HDX: variants seen among roughly 807,000 people sequenced by gnomAD.
The protein encoded by HDX is highly divergent homeobox.
A neutral mutation model predicts 45.2 loss-of-function variants in HDX; 19 were observed. The ratio of observed to expected loss-of-function variants is 0.42; its 90% CI spans 0.29 to 0.62. The LOEUF is 0.62. HDX is among the 20% of genes least tolerant of loss of function. The probability of loss-of-function intolerance (pLI) is 0.20; values close to 1 mark genes in which losing one functional copy is unlikely to be tolerated. For missense variants in HDX, 532 were observed against 493.9 expected, an observed-to-expected ratio of 1.08 and a Z score of -0.73; for synonymous variants, 188 against 172.8, an observed-to-expected ratio of 1.09 and a Z score of -0.69.
intron 9 of HDX, among the ~76,000 whole-genome samples, chrX:84,327,501 A>T (rs925708600): frequency 8.0e-5 from 9 of 111,883 alleles, no homozygotes; most frequent in Non-Finnish European, 1.7e-4. Flanking sequence ...TGGTCGATTG[A>T]TTTTCAACAA....
chrX:84,366,829 A>G, intron 5 of HDX, among the ~76,000 whole-genome samples: 1 of 111,963 alleles, frequency 8.9e-6, no homozygotes, highest in East Asian at 2.8e-4. Flanking sequence ...CCTTCCTTAC[A>G]CCTTATACAG....
chrX:84,346,522 A>C (rs1315264926), intron 6 of HDX, among the ~76,000 whole-genome samples: 1 of 111,511 alleles, frequency 9.0e-6, no homozygotes, highest in Non-Finnish European at 1.9e-5. Context: ...TGGTATTGGC[A>C]GAGGGCTAGC....
chrX:84,414,587 T>G (rs933866892), intron 5 of HDX, among the ~76,000 whole-genome samples: 2 of 96,923 alleles, frequency 2.1e-5, no homozygotes, highest in African/African-American at 6.7e-5. Context: ...ATTTTAAAGG[T>G]GTTCTTACTA....
chrX:84,468,828 C>G lies in HDX; in HGVS notation c.895G>C (p.Glu299Gln), dbSNP rs776982694. The G allele has an allele frequency of 8.3e-7, 1 of 1,211,642 alleles. No homozygotes were observed. Among genetic ancestry groups the G allele is most frequent in the East Asian group, 3.0e-5 (1 of 33,850 alleles). Reference sequence around the variant, plus strand: ...TATTCATCCTCAGCATCTCCAGTCTCCATTGCAATGGACAAACAATTTCCT... The same window carrying G: ...TATTCATCCTCAGCATCTCCAGTCTGCATTGCAATGGACAAACAATTTCCT... ...AEGNCLSIAM[E>Q]TGDAEDEYAR... Residue 299 changes from glutamate (E) to glutamine (Q), a missense_variant, in exon 4 of 11, where the codon GAG becomes CAG. By Grantham distance (29) the Glu-to-Gln change is conservative. Around this residue, in one of 3 missense-constraint regions of HDX, gnomAD observed 376 missense variants for 343.7 expected, o/e 1.09. Coordinates refer to ENST00000373177, the MANE Select transcript of HDX (RefSeq NM_001177479.2).
At chrX:84,329,988 A>G (rs970086068) in intron 9 of HDX, among the ~76,000 whole-genome samples, 1 of 111,837 alleles carries the variant, frequency 8.9e-6, no homozygotes, top group Non-Finnish European at 1.9e-5. Context: ...GCTGAATTGT[A>G]TGAATGGTGA....
chrX:84,471,106 T>C (rs1183977486), intron 3 of HDX, among the ~76,000 whole-genome samples: 3 of 111,952 alleles, frequency 2.7e-5, no homozygotes, highest in Non-Finnish European at 5.6e-5. Context: ...TATGAATGTG[T>C]TTTTGAAGAC....
chrX:84,442,694 C>T (rs771300875), intron 4 of HDX, among the ~76,000 whole-genome samples: 17 of 110,359 alleles, frequency 1.5e-4, no homozygotes, highest in African/African-American at 4.9e-4. Context: ...GAAATACATC[C>T]GCTTAAATAA....
At chrX:84,422,618 C>G (rs2039282148) in intron 5 of HDX, among the ~76,000 whole-genome samples, 1 of 103,050 alleles carries the variant, frequency 9.7e-6, no homozygotes, top group African/African-American at 3.5e-5. Flanking sequence ...GAAATAAATG[C>G]TTTTGAAATT....
chrX:84,353,477 T>A (rs754028451), intron 6 of HDX, among the ~76,000 whole-genome samples: 1 of 111,680 alleles, frequency 9.0e-6, no homozygotes, highest in Non-Finnish European at 1.9e-5. Context: ...GTCTAGGAAG[T>A]GGGCTTTCCA....
At chrX:84,343,205 G>T (rs901474536) in intron 7 of HDX, among the ~76,000 whole-genome samples, 1 of 110,527 alleles carries the variant, frequency 9.0e-6, no homozygotes, top group Non-Finnish European at 1.9e-5. Flanking sequence ...GGTGATGGTT[G>T]TACAACTGCA....
At chrX:84,465,074 C>A (rs2040319503) in intron 4 of HDX, among the ~76,000 whole-genome samples, 2 of 112,210 alleles carry the variant, frequency 1.8e-5, no homozygotes, top group Admixed American at 1.9e-4. Flanking sequence ...TGAAAAAAAG[C>A]TCATCATCAC....
intron 5 of HDX, among the ~76,000 whole-genome samples, chrX:84,372,584 TA>T (rs1299142603): frequency 8.9e-6 from 1 of 112,440 alleles, no homozygotes; most frequent in African/African-American, 3.2e-5. Flanking sequence ...TTTTTTCATT[TA>T]ATCTCATTGC....
At position 84,468,543 on chromosome X, in the gene HDX, G is replaced by A. The variant is rs756683465; in HGVS notation, c.1180C>T (p.Arg394Trp). The stretch of plus-strand genomic sequence containing the variant: ...GCAAAATGAGGAGAAAAATTACTCC[G>A]TAATGGATTGGTATTACTGTACATT... ...STMYSNTNPLRSNFSPHFASS... is the reference protein window; with the variant it reads ...STMYSNTNPLWSNFSPHFASS... Residue 394 changes from arginine (R) to tryptophan (W), a missense_variant, in exon 4 of 11, where the codon CGG (arginine) becomes TGG (tryptophan). By Grantham distance (101) the Arg-to-Trp change is moderately radical. Coordinates refer to ENST00000373177, the MANE Select transcript of HDX (RefSeq NM_001177479.2). 10 of 1,178,649 alleles carry A rather than the reference G, an allele frequency of 8.5e-6. No individual in the cohort carries two copies. The highest frequency in any genetic ancestry group is 2.3e-4 in the Middle Eastern group (1 of 4,276).
In HDX at chrX:84,462,698, TA is replaced by T. The variant is rs201979970; in HGVS notation, c.1251+5773del. On this transcript the variant is annotated intron_variant, in intron 4 of 10. Transcript: ENST00000373177. ...TATTAATAAAAAATTAAGAATTTTT[TA>T]AAAAATTGGCATCAAAGAGAGTAAT... is the stretch of plus-strand genomic sequence containing the variant. 8.4e-3 allele frequency among the ~76,000 whole-genome samples: 930 copies of T among 111,060 alleles called. 10 individuals carry two copies. The highest frequency in any genetic ancestry group is 0.029 in the African/African-American group (892 of 30,568).
intron 5 of HDX, among the ~76,000 whole-genome samples, chrX:84,364,281 A>G (rs779271857): frequency 6.4e-5 from 7 of 110,003 alleles, no homozygotes; most frequent in Admixed American, 9.8e-5. Flanking sequence ...GTGCCAAACA[A>G]TTGGCATGAT....
intron 1 of HDX, among the ~76,000 whole-genome samples, chrX:84,490,245 T>C (rs1363396230): frequency 9.0e-6 from 1 of 111,553 alleles, no homozygotes; most frequent in Non-Finnish European, 1.9e-5. Flanking sequence ...TCTATATCAA[T>C]TATTTATGCT....
In HDX at chrX:84,432,656, A is replaced by AT. The variant is rs200384043; in HGVS notation, c.1305+7875dup. Among the ~76,000 whole-genome samples, 886 of 110,590 alleles carry AT rather than the reference A, an allele frequency of 8.0e-3. 9 individuals carry two copies. The highest frequency in any genetic ancestry group is 0.027 in the African/African-American group (828 of 30,493). Reference sequence around the variant, plus strand: ...TTGTTTTTGTATAGAAATGTTATTGATTTTTGTACACTGCTTTTGTATCTT... The same window carrying AT: ...TTGTTTTTGTATAGAAATGTTATTGATTTTTTGTACACTGCTTTTGTATCTT... On this transcript the variant is annotated intron_variant, in intron 5 of 10. Transcript: ENST00000373177.
At chrX:84,431,173 T>A (rs753453320) in intron 5 of HDX, among the ~76,000 whole-genome samples, 1 of 109,978 alleles carries the variant, frequency 9.1e-6, no homozygotes, top group Admixed American at 9.7e-5. Flanking sequence ...TCCAGCTCCA[T>A]CCATATTGCC....
intron 5 of HDX, among the ~76,000 whole-genome samples, chrX:84,435,785 C>T (rs193204792): frequency 0.013 from 1,418 of 106,945 alleles, 23 homozygotes; most frequent in African/African-American, 0.047. Flanking sequence ...ACAACAGGTG[C>T]TGGAGAGGAT....
Sources: gnomAD v4.1 joint callset for allele counts (sites outside exome capture counted in the v4.1 genomes callset) on GRCh38, gnomAD v4.1.1 for gene constraint, gnomAD v4.1.1 regional missense constraint, MANE v1.5 for transcripts, NCBI Gene and HGNC (gene_info 2026-07-23, HGNC 2026-07-21) for gene names.